Variants in PALLD observed in about 807,000 individuals in gnomAD.
PALLD encodes palladin.
A neutral mutation model predicts 123.5 loss-of-function variants in PALLD; 61 were observed. The observed-to-expected ratio is 0.49, with a 90% confidence interval of 0.40 to 0.61. PALLD has a LOEUF of 0.61. Among genes scored for constraint, PALLD ranks in the 20% least tolerant of loss-of-function variants. The pLI is 0.00. For synonymous variants in PALLD, 465 were observed against 496.4 expected, an observed-to-expected ratio of 0.94 and a Z score of 0.84; for missense variants, 1,273 against 1,377.0, an observed-to-expected ratio of 0.92 and a Z score of 1.20.
At chr4:168,919,044 G>A (rs998068544) in intron 17 of PALLD, among the ~76,000 whole-genome samples, 1 of 151,692 alleles carries the variant, frequency 6.6e-6, no homozygotes, top group Non-Finnish European at 1.5e-5. Flanking sequence ...CTAAATGATG[G>A]GTATATACAC....
chr4:168,871,904 A>G (rs1157421258), intron 10 of PALLD, among the ~76,000 whole-genome samples: 1 of 152,206 alleles, frequency 6.6e-6, no homozygotes, highest in Non-Finnish European at 1.5e-5. Flanking sequence ...CACATCCTGC[A>G]GCCCTCTCAG....
chr4:168,679,662 GA>G (rs1477428642), intron 3 of PALLD, among the ~76,000 whole-genome samples: 2 of 151,930 alleles, frequency 1.3e-5, no homozygotes, highest in Admixed American at 1.3e-4. Flanking sequence ...ACATGACTTG[GA>G]AGTCCAAGAA....
In PALLD at chr4:168,513,522, C is replaced by A. The variant is rs531110718; in HGVS notation, c.908+1110C>A. On this transcript the variant is annotated intron_variant, in intron 2 of 21. Coordinates refer to ENST00000505667, the MANE Select transcript of PALLD (RefSeq NM_001166108.2). ...CCATTGCCCAAGTTACTCTACCCCT[C>A]TGTGACTCAGTTTCTTCATCTGTGA... 3.3e-5 allele frequency among the ~76,000 whole-genome samples: 5 copies of A among 152,330 alleles called. No individual in the cohort carries two copies. In the South Asian group the frequency reaches 1.0e-3, roughly 32 times the overall value.
intron 2 of PALLD, among the ~76,000 whole-genome samples, chr4:168,665,099 G>A (rs1179471628): frequency 6.6e-6 from 1 of 152,186 alleles, no homozygotes; most frequent in Non-Finnish European, 1.5e-5. Context: ...AAGGGTGCAA[G>A]TAATTAATGG....
intron 2 of PALLD, among the ~76,000 whole-genome samples, chr4:168,588,493 C>T (rs907622265): frequency 6.6e-6 from 1 of 152,112 alleles, no homozygotes; most frequent in East Asian, 1.9e-4. Context: ...CCTCCGCCTC[C>T]TGGGTTCAAG....
chr4:168,853,281 ATGAT>A (rs1176122631), intron 10 of PALLD, among the ~76,000 whole-genome samples: 5 of 152,188 alleles, frequency 3.3e-5, no homozygotes, highest in Admixed American at 2.0e-4. Context: ...TGTTTTACAG[ATGAT>A]CAATGGTCCT....
intron 2 of PALLD, among the ~76,000 whole-genome samples, chr4:168,515,187 C>T (rs1161732720): frequency 6.6e-6 from 1 of 152,156 alleles, no homozygotes; most frequent in Non-Finnish European, 1.5e-5. Context: ...CTTGATCCTC[C>T]TTGTCATGTA....
intron 10 of PALLD, among the ~76,000 whole-genome samples, chr4:168,830,496 C>T (rs1445681001): frequency 6.6e-6 from 1 of 151,602 alleles, no homozygotes; most frequent in Non-Finnish European, 1.5e-5. Flanking sequence ...CACCACTGCA[C>T]TTCAGCCTGG....
intron 2 of PALLD, among the ~76,000 whole-genome samples, chr4:168,565,703 G>T (rs1250330411): frequency 6.6e-6 from 1 of 151,916 alleles, no homozygotes; most frequent in Non-Finnish European, 1.5e-5. Context: ...CTGCTTCATG[G>T]TATTACTAGT....
intron 2 of PALLD, among the ~76,000 whole-genome samples, chr4:168,576,224 ATTTTCTTTTT>A (rs1001602189): frequency 1.3e-5 from 2 of 151,814 alleles, no homozygotes; most frequent in African/African-American, 4.8e-5. Context: ...AATTGGCAGC[ATTTTCTTTTT>A]TTTTCTTTTT....
rs147478394 is a variant in PALLD, at chr4:168,546,874, A to G, written c.908+34462A>G. Among the ~76,000 whole-genome samples, 64 of 152,282 alleles carry G rather than the reference A, an allele frequency of 4.2e-4. No individual in the cohort carries two copies. In the East Asian group the frequency reaches 0.011, roughly 27 times the overall value. On this transcript the variant is annotated intron_variant, in intron 2 of 21. Transcript: ENST00000505667. ...GCCTAGGTTTACATTATGTATTTCA[A>G]TCCATCACATGCTGATCTCATAGCC...
intron 10 of PALLD, among the ~76,000 whole-genome samples, chr4:168,716,779 A>G (rs1422603535): frequency 1.3e-5 from 2 of 152,228 alleles, no homozygotes; most frequent in Admixed American, 1.3e-4. Context: ...TCATGAGATG[A>G]TGTGTTTGAG....
chr4:168,746,322 ACTGAG>A (rs1730291668), intron 10 of PALLD, among the ~76,000 whole-genome samples: 1 of 140,278 alleles, frequency 7.1e-6, no homozygotes, highest in South Asian at 2.4e-4. Flanking sequence ...CGGAGCTGGC[ACTGAG>A]CTGAGATTGC....
chr4:168,699,594 C>T (rs1263972216), intron 8 of PALLD, among the ~76,000 whole-genome samples: 1 of 150,918 alleles, frequency 6.6e-6, no homozygotes, highest in Non-Finnish European at 1.5e-5. Flanking sequence ...ACCCAGGGAA[C>T]CCAGTAATCT....
intron 2 of PALLD, chr4:168,598,270 A>G: frequency 2.4e-6 from 1 of 419,042 alleles, no homozygotes; most frequent in Non-Finnish European, 4.8e-6. Flanking sequence ...ATGCCTCACC[A>G]AAATATTCTA....
intron 6 of PALLD, among the ~76,000 whole-genome samples, chr4:168,690,184 C>A (rs575752539): frequency 6.6e-6 from 1 of 152,288 alleles, no homozygotes; most frequent in East Asian, 1.9e-4. Context: ...TGTCTTTTTT[C>A]TCTTCTTGTC....
At chr4:168,778,890 G>A (rs1244090276) in intron 10 of PALLD, among the ~76,000 whole-genome samples, 1 of 152,122 alleles carries the variant, frequency 6.6e-6, no homozygotes, top group East Asian at 1.9e-4. Flanking sequence ...CAAACTCCTG[G>A]CCTCAAGCAG....
chr4:168,690,780 T>C, intron 7 of PALLD, 36 bp downstream of exon 7: 1 of 1,607,888 alleles, frequency 6.2e-7, no homozygotes. Flanking sequence ...AATCTGACCA[T>C]TTTATTCTCT....
intron 2 of PALLD, among the ~76,000 whole-genome samples, chr4:168,526,472 TTC>T (rs1561210180): frequency 6.6e-6 from 1 of 152,218 alleles, no homozygotes; most frequent in South Asian, 2.1e-4. Context: ...TGGGTTCATC[TTC>T]TCTCTCTCAC....
Sources: allele counts gnomAD v4.1 joint callset (sites outside exome capture counted in the v4.1 genomes callset), GRCh38; gene constraint gnomAD v4.1.1; transcripts MANE v1.5; gene names NCBI Gene and HGNC (gene_info 2026-07-23, HGNC 2026-07-21).